TJP1: variants seen among roughly 807,000 people sequenced by gnomAD.
The protein encoded by TJP1 is tight junction protein 1, also known as tight junction protein ZO-1.
In TJP1, 43 loss-of-function variants were observed where a neutral mutation model predicts 194.2. That is an observed-to-expected ratio of 0.22 (90% CI 0.17 to 0.29). TJP1 has a LOEUF of 0.29. TJP1 is among the 10% of genes least tolerant of loss of function. TJP1 has a pLI of 1.00. For synonymous variants in TJP1, 801 were observed against 779.0 expected (o/e 1.03, Z -0.47); for missense variants, 1,971 against 2,185.7 (o/e 0.90, Z 1.96).
At chr15:29,808,460 C>A (rs1204806373) in intron 1 of TJP1, among the ~76,000 whole-genome samples, 2 of 152,146 alleles carry the variant, frequency 1.3e-5, no homozygotes, top group African/African-American at 4.8e-5. Context: ...AATCTGTGTA[C>A]ACCTATGATT....
At chr15:29,929,547 G>C (rs1286241420) in intron 2 of TJP1, among the ~76,000 whole-genome samples, 1 of 151,900 alleles carries the variant, frequency 6.6e-6, no homozygotes, top group Non-Finnish European at 1.5e-5. Flanking sequence ...AAATACAAAA[G>C]TTAGCTGGGT....
At chr15:29,752,206 G>A (rs568702354) in intron 8 of TJP1, among the ~76,000 whole-genome samples, 2 of 151,890 alleles carry the variant, frequency 1.3e-5, no homozygotes, top group South Asian at 4.2e-4. Flanking sequence ...AGGTTCAAGC[G>A]ATTCTCCTGC....
chr15:29,810,022 C>T (rs1333961607), intron 1 of TJP1, among the ~76,000 whole-genome samples: 2 of 152,124 alleles, frequency 1.3e-5, no homozygotes, highest in East Asian at 1.9e-4. Flanking sequence ...CACGTGTTTC[C>T]GATTTCAGGG....
At chr15:29,758,442 C>G (rs2045789212) in intron 8 of TJP1, among the ~76,000 whole-genome samples, 1 of 151,902 alleles carries the variant, frequency 6.6e-6, no homozygotes, top group Non-Finnish European at 1.5e-5. Context: ...GGGGGAAAAA[C>G]CCTCCACTTT....
chr15:29,936,899 G>A (rs539684974), intron 2 of TJP1, among the ~76,000 whole-genome samples: 25 of 152,202 alleles, frequency 1.6e-4, no homozygotes, highest in African/African-American at 4.1e-4. Context: ...ACAGCTCGGC[G>A]CGTTTACCCT....
chr15:29,809,147 CTG>C (rs1393611835), intron 1 of TJP1, among the ~76,000 whole-genome samples: 3 of 152,080 alleles, frequency 2.0e-5, no homozygotes, highest in African/African-American at 7.2e-5. Context: ...TATTCAGAGA[CTG>C]AATATGGAAA....
chr15:29,820,364 G>A (rs533137595), intron 1 of TJP1, among the ~76,000 whole-genome samples: 13 of 151,898 alleles, frequency 8.6e-5, no homozygotes, highest in African/African-American at 3.1e-4. Flanking sequence ...ATTCTGAAGT[G>A]GCTCCATAAT....
intron 18 of TJP1, among the ~76,000 whole-genome samples, chr15:29,725,036 T>C (rs1376393350): frequency 6.6e-6 from 1 of 152,210 alleles, no homozygotes; most frequent in South Asian, 2.1e-4. Context: ...GCTATTAACA[T>C]TGGACCTGCC....
At chr15:29,732,102 C>G (rs141538897) in intron 15 of TJP1, 7 of 233,332 alleles carry the variant, frequency 3.0e-5, no homozygotes, top group Non-Finnish European at 5.8e-5. Flanking sequence ...AGGATCCACG[C>G]AATGACCATC....
intron 15 of TJP1, chr15:29,730,922 A>C: frequency 8.3e-7 from 1 of 1,209,518 alleles, no homozygotes. Flanking sequence ...ATAACCCTGC[A>C]GAAAATGGAG....
At position 29,720,570 on chromosome 15, in the gene TJP1, C is replaced by T; in HGVS notation, c.2551G>A (p.Gly851Arg). 6.2e-7 allele frequency: 1 copy of T among 1,614,072 alleles called. No individual in the cohort carries two copies. The highest frequency in any genetic ancestry group is 8.5e-7 in the Non-Finnish European group (1 of 1,180,008). The part of the protein sequence containing the change: ...SDYEDTDTEG[G>R]AYTDQELDET... ...TCTAGTTCTTGATCAGTGTAGGCCCCGCCTTCTGTGTCTGTGTCTTCATAG... is the reference window on the plus strand; with the variant it reads ...TCTAGTTCTTGATCAGTGTAGGCCCTGCCTTCTGTGTCTGTGTCTTCATAG... Residue 851 changes from glycine to arginine, a missense_variant, in exon 19 of 28, where the codon GGG becomes AGG. By Grantham distance (125) the Gly-to-Arg change is moderately radical. This residue lies in a region of TJP1 where 402 missense variants were observed against 484.2 expected (regional missense o/e 0.83). Transcript: ENST00000614355.
chr15:29,742,655 T>C lies in TJP1; in HGVS notation c.1137A>G (p.Thr379=), dbSNP rs201946006. 1.3e-5 allele frequency: 20 copies of C among 1,582,830 alleles called. No individual in the cohort carries two copies. The highest frequency in any genetic ancestry group is 1.6e-5 in the Non-Finnish European group (19 of 1,167,204). ...EVTVERNEKQ[T]PSLPEPKPVY... Reference sequence around the variant, plus strand: ...CGTTATGCTTACCTGGAAGAGAAGGTGTTTGTTTCTCATTTCTTTCAACTG... The same window carrying C: ...CGTTATGCTTACCTGGAAGAGAAGGCGTTTGTTTCTCATTTCTTTCAACTG... The change falls in exon 9 of 28, where the codon ACA becomes ACG. Residue 379 remains threonine (T), a synonymous_variant. Coordinates refer to ENST00000614355, the MANE Select transcript of TJP1 (RefSeq NM_001330239.4).
intron 2 of TJP1, among the ~76,000 whole-genome samples, chr15:29,949,068 C>T (rs1335024859): frequency 2.4e-4 from 36 of 150,546 alleles, no homozygotes; most frequent in Non-Finnish European, 4.6e-4. Context: ...ACCACCACCT[C>T]TACCACCACA....
At position 29,766,460 on chromosome 15, in the gene TJP1, T is replaced by C; in HGVS notation, c.395A>G (p.Tyr132Cys). 1.2e-6 allele frequency: 2 copies of C among 1,613,780 alleles called. No homozygotes were observed. The highest frequency in any genetic ancestry group is 1.7e-6 in the Non-Finnish European group (2 of 1,179,832). The stretch of plus-strand genomic sequence containing the variant: ...TCTTGGATCATGTATTTCCTCATCA[T>C]AACTATCTTCTTCATTATCAGATAC... ...EPVSDNEEDS[Y>C]DEEIHDPRSG... The change falls in exon 5 of 28, where the codon TAT becomes TGT. Residue 132 changes from tyrosine (Y) to cysteine (C), a missense_variant. This residue lies in a region of TJP1 where 245 missense variants were observed against 336.6 expected (regional missense o/e 0.73). Coordinates refer to ENST00000614355, the MANE Select transcript of TJP1 (RefSeq NM_001330239.4).
At chr15:29,787,996 C>G (rs891322154) in intron 2 of TJP1, among the ~76,000 whole-genome samples, 3 of 152,174 alleles carry the variant, frequency 2.0e-5, no homozygotes, top group Non-Finnish European at 4.4e-5. Flanking sequence ...TTTCTGAGTA[C>G]AGCCATCCTA....
At chr15:29,737,019 G>A (rs749664631) in intron 11 of TJP1, among the ~76,000 whole-genome samples, 1 of 152,202 alleles carries the variant, frequency 6.6e-6, no homozygotes, top group Admixed American at 6.5e-5. Flanking sequence ...ACGAGTGGTA[G>A]AAATGAAATG....
intron 2 of TJP1, among the ~76,000 whole-genome samples, chr15:29,797,490 CTG>C (rs1285868859): frequency 6.6e-6 from 1 of 150,888 alleles, no homozygotes; most frequent in Non-Finnish European, 1.5e-5. Flanking sequence ...GCAAAAGACA[CTG>C]TCATTAAGAG....
At chr15:29,857,400 A>G (rs2051900109) in intron 2 of TJP1, among the ~76,000 whole-genome samples, 1 of 152,164 alleles carries the variant, frequency 6.6e-6, no homozygotes, top group Admixed American at 6.5e-5. Context: ...CAAACAGGAA[A>G]TGGGTTAAAA....
At chr15:29,839,245 G>A (rs1270121307) in intron 2 of TJP1, among the ~76,000 whole-genome samples, 1 of 151,932 alleles carries the variant, frequency 6.6e-6, no homozygotes, top group African/African-American at 2.4e-5. Context: ...TGATCTGCCC[G>A]CCTCAGCCTT....
Sources: gnomAD v4.1 joint callset for allele counts (sites outside exome capture counted in the v4.1 genomes callset) on GRCh38, gnomAD v4.1.1 for gene constraint, gnomAD v4.1.1 regional missense constraint, MANE v1.5 for transcripts, NCBI Gene and HGNC (gene_info 2026-07-23, HGNC 2026-07-21) for gene names.